KCNJ3: variants seen among roughly 807,000 people sequenced by gnomAD.
The protein encoded by KCNJ3 is G protein-activated inward rectifier potassium channel 1.
In KCNJ3, 4 loss-of-function variants were observed where a neutral mutation model predicts 39.2. The observed-to-expected ratio is 0.10, with a 90% CI of 0.05 to 0.23. The LOEUF (loss-of-function observed/expected upper bound fraction) is 0.23. KCNJ3 is among the 10% of genes least tolerant of loss of function. The pLI, the probability that KCNJ3 is intolerant of heterozygous loss-of-function variation, is 1.00. For synonymous variants in KCNJ3, 230 were observed against 237.4 expected, an observed-to-expected ratio of 0.97 and a Z score of 0.29; for missense variants, 276 against 634.9, an observed-to-expected ratio of 0.43 and a Z score of 6.08.
At chr2:154,851,510 G>A (rs904077953) in intron 2 of KCNJ3, among the ~76,000 whole-genome samples, 10 of 152,138 alleles carry the variant, frequency 6.6e-5, no homozygotes, top group Admixed American at 5.2e-4. Flanking sequence ...AAGATATGTT[G>A]TTATCTCTAG....
In KCNJ3 at chr2:154,849,506, T is replaced by C. The variant is rs1021387478; in HGVS notation, c.920-5221T>C. ...CTTCCCTTTCTTCTCTCCCCCAATC[T>C]CCCGCAAACACATCTATATTGGGTA... On this transcript the variant is annotated intron_variant, in intron 2 of 2. Coordinates refer to ENST00000295101, the MANE Select transcript of KCNJ3 (RefSeq NM_002239.4). Among the ~76,000 whole-genome samples the C allele has an allele frequency of 2.0e-5, 3 of 152,148 alleles. No homozygotes were observed. The East Asian group carries it at 5.8e-4, about 29-fold the overall frequency.
At chr2:154,766,228 C>G (rs759465432) in intron 2 of KCNJ3, among the ~76,000 whole-genome samples, 1 of 152,164 alleles carries the variant, frequency 6.6e-6, no homozygotes, top group Non-Finnish European at 1.5e-5. Flanking sequence ...AGAATCTCTG[C>G]ATTAACCAGT....
chr2:154,756,071 A>T (rs984887941), intron 2 of KCNJ3, among the ~76,000 whole-genome samples: 4 of 152,116 alleles, frequency 2.6e-5, no homozygotes, highest in Non-Finnish European at 5.9e-5. Flanking sequence ...TGGTTCCTAG[A>T]TATCCAGACG....
At chr2:154,840,597 C>A (rs1344326734) in intron 2 of KCNJ3, among the ~76,000 whole-genome samples, 2 of 152,072 alleles carry the variant, frequency 1.3e-5, no homozygotes, top group East Asian at 1.9e-4. Context: ...TTATTTGTGT[C>A]CTCTTTTAGT....
chr2:154,846,353 TTTAA>T (rs1398800321), intron 2 of KCNJ3, among the ~76,000 whole-genome samples: 4 of 152,234 alleles, frequency 2.6e-5, no homozygotes, highest in Admixed American at 6.5e-5. Context: ...GAACTAATCT[TTTAA>T]TTAATTGGAA....
intron 2 of KCNJ3, among the ~76,000 whole-genome samples, chr2:154,831,576 A>G (rs570866847): frequency 6.6e-6 from 1 of 152,174 alleles, no homozygotes; most frequent in Non-Finnish European, 1.5e-5. Flanking sequence ...AATGGGCCAC[A>G]TGTATGGATG....
intron 2 of KCNJ3, among the ~76,000 whole-genome samples, chr2:154,755,185 T>G (rs1246460983): frequency 1.3e-5 from 2 of 152,142 alleles, no homozygotes; most frequent in African/African-American, 4.8e-5. Flanking sequence ...TTTCAGAGAA[T>G]AAAATTTTGA....
At position 154,855,355 on chromosome 2, in the gene KCNJ3, A is replaced by C. The variant is rs1232246083; in HGVS notation, c.*42A>C. The C allele has an allele frequency of 7.6e-7, 1 of 1,312,244 alleles. No individual in the cohort carries two copies. The highest frequency in any genetic ancestry group is 1.0e-6 in the Non-Finnish European group (1 of 956,828). 81.3% of individuals were successfully genotyped at this position (1,312,244 alleles called of 1,614,324 possible). ...GCATTATTTAATGTTTGATTTAGTA[A>C]TAGTCCAATATTTGGCGATGAGGTA... On this transcript the variant is annotated 3_prime_UTR_variant, in exon 3 of 3. Transcript: ENST00000295101.
chr2:154,827,290 C>T (rs931306513), intron 2 of KCNJ3, among the ~76,000 whole-genome samples: 1 of 152,116 alleles, frequency 6.6e-6, no homozygotes, highest in African/African-American at 2.4e-5. Flanking sequence ...ACTTTCTTGG[C>T]TTCACTAATC....
chr2:154,708,811 A>T (rs1685056655), intron 1 of KCNJ3, among the ~76,000 whole-genome samples: 1 of 152,172 alleles, frequency 6.6e-6, no homozygotes, highest in African/African-American at 2.4e-5. Flanking sequence ...ACCGAAACTG[A>T]ATGCCACTAC....
chr2:154,759,114 A>C (rs1685990450), intron 2 of KCNJ3, among the ~76,000 whole-genome samples: 1 of 152,168 alleles, frequency 6.6e-6, no homozygotes, highest in Admixed American at 6.5e-5. Context: ...TTAAATGCCC[A>C]TTTATAATGT....
intron 2 of KCNJ3, among the ~76,000 whole-genome samples, chr2:154,806,928 A>G (rs192068245): frequency 1.3e-5 from 2 of 152,168 alleles, no homozygotes; most frequent in Non-Finnish European, 2.9e-5. Context: ...CACGGGTTTC[A>G]CCTTGGTCTC....
intron 1 of KCNJ3, among the ~76,000 whole-genome samples, chr2:154,708,699 T>A (rs2105150840): frequency 6.6e-6 from 1 of 152,302 alleles, no homozygotes; most frequent in East Asian, 1.9e-4. Context: ...AAATAAGTAA[T>A]TTTACTCTCA....
At chr2:154,739,989 A>G (rs73968720) in intron 2 of KCNJ3, among the ~76,000 whole-genome samples, 17,525 of 152,030 alleles carry the variant, frequency 0.12, 1,116 homozygotes, top group African/African-American at 0.15. Context: ...ATAGAAATGG[A>G]AAGGACTGAC....
At chr2:154,742,919 G>C (rs970677127) in intron 2 of KCNJ3, among the ~76,000 whole-genome samples, 3 of 151,562 alleles carry the variant, frequency 2.0e-5, no homozygotes, top group African/African-American at 7.3e-5. Flanking sequence ...TTTACCTTTT[G>C]TATCATAGCC....
At chr2:154,801,670 C>T (rs973647102) in intron 2 of KCNJ3, among the ~76,000 whole-genome samples, 8 of 150,920 alleles carry the variant, frequency 5.3e-5, no homozygotes, top group Non-Finnish European at 1.0e-4. Flanking sequence ...ATTCTGTCAC[C>T]CAGGCTGGAT....
rs373062062 is a variant in KCNJ3, at chr2:154,850,008, C to CTTTTTTTTTTTTTTTTTTTTTTT, written c.920-4705_920-4683dup. Among the ~76,000 whole-genome samples, 5 of 48,860 alleles carry CTTTTTTTTTTTTTTTTTTTTTTT rather than the reference C, an allele frequency of 1.0e-4. 1 individual carries two copies. Among genetic ancestry groups the CTTTTTTTTTTTTTTTTTTTTTTT allele is most frequent in the African/African-American group, 8.0e-5 (1 of 12,504 alleles). The allele number at this position is 48,860 out of a possible 152,430, so 32.1% of individuals were successfully genotyped here. A position where few individuals can be genotyped will look rare whatever the true frequency, so the allele number is the denominator to read the frequency against. ...TTGCAATGCAATGTACAGAATAAAT[C>CTTTTTTTTTTTTTTTTTTTTTTT]TTTTTTTTTTTTTTTTTTTTTTTTT... On this transcript the variant is annotated intron_variant, in intron 2 of 2. Coordinates refer to ENST00000295101, the MANE Select transcript of KCNJ3 (RefSeq NM_002239.4).
intron 2 of KCNJ3, among the ~76,000 whole-genome samples, chr2:154,781,077 T>C (rs1686430149): frequency 6.6e-6 from 1 of 152,032 alleles, no homozygotes; most frequent in African/African-American, 2.4e-5. Context: ...TGATGAGATA[T>C]GAGAAGGACA....
chr2:154,804,943 A>G (rs1318409027), intron 2 of KCNJ3, among the ~76,000 whole-genome samples: 2 of 152,242 alleles, frequency 1.3e-5, no homozygotes, highest in East Asian at 1.9e-4. Flanking sequence ...ATATAAAATT[A>G]TAGAGAACAC....
Sources: gnomAD v4.1 joint callset for allele counts (sites outside exome capture counted in the v4.1 genomes callset) on GRCh38, gnomAD v4.1.1 for gene constraint, MANE v1.5 for transcripts, NCBI Gene and HGNC (gene_info 2026-07-23, HGNC 2026-07-21) for gene names.